ANGPT1: variants seen among roughly 807,000 people sequenced by gnomAD.
ANGPT1 encodes angiopoietin 1, also known as angiopoietin-1.
In ANGPT1, 17 loss-of-function variants were observed where a neutral mutation model predicts 62.2. That is an observed-to-expected ratio of 0.27 (90% CI 0.19 to 0.41). The LOEUF (loss-of-function observed/expected upper bound fraction) is 0.41. ANGPT1 is among the 10% of genes least tolerant of loss of function. ANGPT1 has a pLI of 1.00. For missense variants in ANGPT1, 478 were observed against 594.9 expected (o/e 0.80, Z 2.04); for synonymous variants, 199 against 198.9 (o/e 1.00, Z 0.00).
chr8:107,465,603 C>T (rs546263240), intron 1 of ANGPT1, among the ~76,000 whole-genome samples: 3 of 152,254 alleles, frequency 2.0e-5, no homozygotes, highest in African/African-American at 7.2e-5. Context: ...TCAATACACA[C>T]TGAATGACAA....
intron 4 of ANGPT1, among the ~76,000 whole-genome samples, chr8:107,318,339 G>T (rs528244662): frequency 6.6e-6 from 1 of 152,256 alleles, no homozygotes; most frequent in East Asian, 1.9e-4. Context: ...CTTCTTAAAA[G>T]TATCTCACAA....
At chr8:107,268,417 T>C (rs1286440355) in intron 7 of ANGPT1, among the ~76,000 whole-genome samples, 1 of 150,602 alleles carries the variant, frequency 6.6e-6, no homozygotes, top group Admixed American at 6.7e-5. Flanking sequence ...TGTGTGTGTG[T>C]GTGTGTGTGT....
intron 1 of ANGPT1, among the ~76,000 whole-genome samples, chr8:107,416,635 AG>A (rs1563613057): frequency 6.6e-6 from 1 of 152,128 alleles, no homozygotes; most frequent in East Asian, 1.9e-4. Flanking sequence ...TTGGACAAAA[AG>A]GGTATAATCT....
chr8:107,450,377 ATC>A (rs1446935700), intron 1 of ANGPT1, among the ~76,000 whole-genome samples: 1 of 151,988 alleles, frequency 6.6e-6, no homozygotes, highest in African/African-American at 2.4e-5. Flanking sequence ...GTTCATTTAC[ATC>A]TGTGTTATGT....
At chr8:107,294,717 T>C (rs997381376) in intron 5 of ANGPT1, 1 of 152,370 alleles carries the variant, frequency 6.6e-6, no homozygotes, top group African/African-American at 2.4e-5. Flanking sequence ...GGAAAATTTA[T>C]ACAAATCTTT....
intron 1 of ANGPT1, among the ~76,000 whole-genome samples, chr8:107,414,048 A>T (rs1298936): frequency 0.71 from 107,203 of 152,000 alleles, 39,860 homozygotes; most frequent in East Asian, 0.84. Flanking sequence ...GAAAATCTTC[A>T]TCTGTTCATG....
intron 1 of ANGPT1, among the ~76,000 whole-genome samples, chr8:107,446,854 T>C (rs1172593391): frequency 6.6e-6 from 1 of 152,224 alleles, no homozygotes; most frequent in African/African-American, 2.4e-5. Context: ...GACTCAACAA[T>C]TGTATACTTG....
At chr8:107,299,956 T>C (rs905807448) in intron 5 of ANGPT1, among the ~76,000 whole-genome samples, 2 of 135,724 alleles carry the variant, frequency 1.5e-5, no homozygotes, top group African/African-American at 5.6e-5. Context: ...ATATACTGTA[T>C]ATATACTATA....
chr8:107,488,858 G>A (rs1812884325), intron 1 of ANGPT1, among the ~76,000 whole-genome samples: 1 of 152,136 alleles, frequency 6.6e-6, no homozygotes, highest in African/African-American at 2.4e-5. Flanking sequence ...TCTATATCAA[G>A]AGTGAAGACA....
chr8:107,350,269 T>G (rs1474588104), intron 1 of ANGPT1, among the ~76,000 whole-genome samples: 1 of 152,166 alleles, frequency 6.6e-6, no homozygotes, highest in Admixed American at 6.6e-5. Context: ...GAAATCTGTC[T>G]TTCTATGCAA....
At chr8:107,325,825 CAG>C (rs1306003529) in intron 3 of ANGPT1, among the ~76,000 whole-genome samples, 1 of 151,852 alleles carries the variant, frequency 6.6e-6, no homozygotes, top group Non-Finnish European at 1.5e-5. Context: ...GACATATGCG[CAG>C]AGATAGCTGC....
intron 1 of ANGPT1, among the ~76,000 whole-genome samples, chr8:107,482,056 G>A (rs183602473): frequency 6.6e-6 from 1 of 152,310 alleles, no homozygotes; most frequent in African/African-American, 2.4e-5. Flanking sequence ...CTTTAGGGAT[G>A]GACTAAGATG....
intron 5 of ANGPT1, among the ~76,000 whole-genome samples, chr8:107,301,693 G>C (rs963854306): frequency 2.0e-5 from 3 of 151,844 alleles, no homozygotes; most frequent in Non-Finnish European, 4.4e-5. Context: ...AGTGCCTCCT[G>C]CCTGTCCTCC....
chr8:107,313,025 C>T (rs1427132414), intron 4 of ANGPT1, among the ~76,000 whole-genome samples: 4 of 152,086 alleles, frequency 2.6e-5, no homozygotes, highest in Non-Finnish European at 4.4e-5. Flanking sequence ...GGCAAAATCT[C>T]CCTTTAGAAC....
intron 1 of ANGPT1, among the ~76,000 whole-genome samples, chr8:107,392,591 T>A (rs896550716): frequency 3.9e-5 from 6 of 152,174 alleles, no homozygotes; most frequent in Non-Finnish European, 8.8e-5. Flanking sequence ...TCTATCTTTA[T>A]TTTTTACTTT....
intron 2 of ANGPT1, among the ~76,000 whole-genome samples, chr8:107,336,751 G>C (rs1181240239): frequency 6.7e-6 from 1 of 149,844 alleles, no homozygotes; most frequent in African/African-American, 2.5e-5. Context: ...TATTATTTTG[G>C]TTTGAGATTG....
intron 1 of ANGPT1, among the ~76,000 whole-genome samples, chr8:107,396,517 C>CTTTTTTTTTTTTTTTTTTTTTTTTTTTTT (rs10686360): frequency 1.4e-4 from 12 of 84,856 alleles, no homozygotes; most frequent in South Asian, 5.1e-4. Context: ...TCTTTTCTCT[C>CTTTTTTTTTTTTTTTTTTTTTTTTTTTTT]TTTTTTTTTT....
chr8:107,287,609 C>G (rs184343717), intron 6 of ANGPT1, among the ~76,000 whole-genome samples: 1 of 152,106 alleles, frequency 6.6e-6, no homozygotes, highest in Non-Finnish European at 1.5e-5. Flanking sequence ...ATGAAAAATA[C>G]GTGAAAGAAG....
At chr8:107,387,949 A>G (rs1056053540) in intron 1 of ANGPT1, among the ~76,000 whole-genome samples, 6 of 152,086 alleles carry the variant, frequency 3.9e-5, no homozygotes, top group African/African-American at 1.4e-4. Context: ...TATTTTGGGA[A>G]TCTGTTATAT....
Sources: gnomAD v4.1 joint callset for allele counts (sites outside exome capture counted in the v4.1 genomes callset) on GRCh38, gnomAD v4.1.1 for gene constraint, MANE v1.5 for transcripts, NCBI Gene and HGNC (gene_info 2026-07-23, HGNC 2026-07-21) for gene names.